DDX46: variants seen among roughly 807,000 people sequenced by gnomAD.
The protein encoded by DDX46 is DEAD-box helicase 46, also known as probable ATP-dependent RNA helicase DDX46.
A neutral mutation model predicts 134.9 loss-of-function variants in DDX46; 30 were observed. The observed-to-expected ratio is 0.22, with a 90% CI of 0.17 to 0.30. The LOEUF is 0.30. Ranked by LOEUF, DDX46 falls within the 10% of genes least tolerant of loss-of-function variation. DDX46 has a pLI of 1.00. For synonymous variants in DDX46, 415 were observed against 404.1 expected, an observed-to-expected ratio of 1.03 and a Z score of -0.32; for missense variants, 622 against 1,248.7, an observed-to-expected ratio of 0.50 and a Z score of 7.56.
At position 134,784,545 on chromosome 5, in the gene DDX46, C is replaced by G. The variant is rs1754271568; in HGVS notation, c.1342+4C>G. ...GAGGAAGGAGAGGGGCCAATAGGTA[C>G]AATTCTTTTCATTAAACTATTTTTC... is the stretch of plus-strand genomic sequence containing the variant. On this transcript the variant is annotated splice_donor_region_variant and intron_variant, in intron 10 of 22. Transcript: ENST00000452510. The G allele has an allele frequency of 2.5e-6, 4 of 1,578,278 alleles. No individual in the cohort carries two copies. Among genetic ancestry groups the G allele is most frequent in the Non-Finnish European group, 2.6e-6 (3 of 1,163,800 alleles).
intron 4 of DDX46, among the ~76,000 whole-genome samples, chr5:134,771,579 G>A (rs1429085267): frequency 1.3e-5 from 2 of 150,740 alleles, no homozygotes; most frequent in African/African-American, 4.9e-5. Flanking sequence ...GCAGGCGCCT[G>A]TAGTCCCAGC....
chr5:134,772,702 C>T (rs1390967287), intron 4 of DDX46, among the ~76,000 whole-genome samples: 4 of 152,098 alleles, frequency 2.6e-5, no homozygotes, highest in Admixed American at 6.5e-5. Context: ...AATGGGGTTT[C>T]CCCCTGTTGG....
chr5:134,777,390 C>A (rs976880479), intron 5 of DDX46, among the ~76,000 whole-genome samples, 184 bp from the exon 6 acceptor site: 5 of 152,148 alleles, frequency 3.3e-5, no homozygotes, highest in African/African-American at 1.2e-4. Flanking sequence ...AGAAGTAATA[C>A]ATGCTTCATG....
In DDX46 at chr5:134,795,971, C is replaced by G; in HGVS notation, c.1792-17C>G. On this transcript the variant is annotated splice_polypyrimidine_tract_variant and intron_variant, in intron 14 of 22. Coordinates refer to ENST00000452510, the MANE Select transcript of DDX46 (RefSeq NM_001300860.2). ...GCATTTTCACTTCATTAACTTGATA[C>G]AATATGGTGTTTTCAGATTGTGATT... 1 of 1,609,368 alleles carries G rather than the reference C, an allele frequency of 6.2e-7. No homozygotes were observed. The highest frequency in any genetic ancestry group is 8.5e-7 in the Non-Finnish European group (1 of 1,178,270).
In DDX46 at chr5:134,758,901, T is replaced by A. The variant is rs373840799; in HGVS notation, c.-38T>A. 64 of 1,613,534 alleles carry A rather than the reference T, an allele frequency of 4.0e-5. No individual in the cohort carries two copies. The highest frequency in any genetic ancestry group is 5.4e-5 in the Non-Finnish European group (64 of 1,179,852). On this transcript the variant is annotated 5_prime_UTR_variant, in exon 1 of 23. Coordinates refer to ENST00000452510, the MANE Select transcript of DDX46 (RefSeq NM_001300860.2). The stretch of plus-strand genomic sequence containing the variant: ...CTTGTTTGTCCGGTTCGCCTGTGCG[T>A]GGTACTCAAGGGCACCAGTATTCCC...
intron 16 of DDX46, among the ~76,000 whole-genome samples, chr5:134,808,541 T>C (rs1167678610): frequency 6.6e-6 from 1 of 152,192 alleles, no homozygotes; most frequent in Non-Finnish European, 1.5e-5. Flanking sequence ...AATTGAATCA[T>C]TGTAAGTCGG....
chr5:134,829,610 T>C lies in DDX46; in HGVS notation c.*904T>C, dbSNP rs1414875867. 2.6e-5 allele frequency: 4 copies of C among 152,192 alleles called. No individual in the cohort carries two copies. The highest frequency in any genetic ancestry group is 2.0e-4 in the Admixed American group (3 of 15,270). 9.4% of individuals were successfully genotyped at this position (152,192 alleles called of 1,614,324 possible). On this transcript the variant is annotated 3_prime_UTR_variant, in exon 23 of 23. Coordinates refer to ENST00000452510, the MANE Select transcript of DDX46 (RefSeq NM_001300860.2). Reference sequence around the variant, plus strand: ...ATTGTAAAACATAATGGTACCCAAGTTTTAAACTTAGATGTGCTTCATCTT... The same window carrying C: ...ATTGTAAAACATAATGGTACCCAAGCTTTAAACTTAGATGTGCTTCATCTT...
intron 8 of DDX46, among the ~76,000 whole-genome samples, chr5:134,782,730 A>G (rs983929359): frequency 1.3e-5 from 2 of 152,006 alleles, no homozygotes; most frequent in Non-Finnish European, 2.9e-5. Flanking sequence ...TTGTTGAGAC[A>G]GGGTTTCACC....
chr5:134,782,209 G>T, intron 8 of DDX46, 123 bp downstream of exon 8: 1 of 1,115,582 alleles, frequency 9.0e-7, no homozygotes, highest in Non-Finnish European at 1.2e-6. Context: ...TTTTTAAAAT[G>T]ATCAAAAATT....
chr5:134,798,711 C>A (rs535754361), intron 15 of DDX46, among the ~76,000 whole-genome samples: 1 of 152,266 alleles, frequency 6.6e-6, no homozygotes, highest in Admixed American at 6.5e-5. Context: ...ATTCTGGGTA[C>A]CTCCTATAAG....
At chr5:134,770,647 AC>A (rs1412920842) in intron 3 of DDX46, among the ~76,000 whole-genome samples, 1 of 152,096 alleles carries the variant, frequency 6.6e-6, no homozygotes, top group Admixed American at 6.6e-5. Flanking sequence ...ACCTGTCTCT[AC>A]TAAAAATACA....
rs760398011 is a variant in DDX46 at position 134,811,373 on chromosome 5, C to T, written c.2286+15C>T. ...AGCAGAAAGCTGTGAGTTTTTAACC[C>T]ATGTTACTCTTCTAGAAATCATTAA... On this transcript the variant is annotated intron_variant, in intron 17 of 22. Coordinates refer to ENST00000452510, the MANE Select transcript of DDX46 (RefSeq NM_001300860.2). 11 of 1,611,532 alleles carry T rather than the reference C, an allele frequency of 6.8e-6. No individual in the cohort carries two copies. In the Admixed American group the frequency reaches 1.7e-4, roughly 25 times the overall value.
intron 1 of DDX46, among the ~76,000 whole-genome samples, chr5:134,760,204 C>T (rs1753333624): frequency 6.6e-6 from 1 of 152,196 alleles, no homozygotes; most frequent in African/African-American, 2.4e-5. Flanking sequence ...GAAATTTAAA[C>T]TCTATGACAG....
chr5:134,774,437 T>TTTGAGTCTCTGTA (rs1440989335), intron 5 of DDX46, among the ~76,000 whole-genome samples: 1 of 152,164 alleles, frequency 6.6e-6, no homozygotes, highest in Non-Finnish European at 1.5e-5. Flanking sequence ...TAAATATCTG[T>TTTGAGTCTCTGTA]TTGAGTCTCT....
At chr5:134,780,352 G>A (rs1754106788) in intron 6 of DDX46, among the ~76,000 whole-genome samples, 1 of 150,552 alleles carries the variant, frequency 6.6e-6, no homozygotes, top group Admixed American at 6.7e-5. Context: ...GATTACCTGA[G>A]GTAAGGAGTT....
intron 21 of DDX46, among the ~76,000 whole-genome samples, chr5:134,824,427 C>G (rs1177987546): frequency 6.6e-6 from 1 of 152,050 alleles, no homozygotes; most frequent in Non-Finnish European, 1.5e-5. Flanking sequence ...CCCGTCTCTA[C>G]TAAATACAAA....
intron 3 of DDX46, among the ~76,000 whole-genome samples, chr5:134,768,053 C>T (rs1753633564): frequency 1.3e-5 from 2 of 151,236 alleles, no homozygotes; most frequent in Non-Finnish European, 2.9e-5. Context: ...CCCAGAAAGG[C>T]ATCCATACAC....
intron 1 of DDX46, among the ~76,000 whole-genome samples, 195 bp from the exon 2 acceptor site, chr5:134,763,709 A>G (rs2150128244): frequency 6.6e-6 from 1 of 152,286 alleles, no homozygotes; most frequent in East Asian, 1.9e-4. Flanking sequence ...CTCTTTCAAG[A>G]CAGATTTTCC....
chr5:134,820,120 C>T (rs1178044089), intron 21 of DDX46, among the ~76,000 whole-genome samples: 1 of 151,934 alleles, frequency 6.6e-6, no homozygotes, highest in Admixed American at 6.6e-5. Context: ...CGGGGTTTCA[C>T]CATGCTGGCC....
Sources: allele counts gnomAD v4.1 joint callset (sites outside exome capture counted in the v4.1 genomes callset), GRCh38; gene constraint gnomAD v4.1.1; transcripts MANE v1.5; gene names NCBI Gene and HGNC (gene_info 2026-07-23, HGNC 2026-07-21).